The following KCTD5 variants were observed in gnomAD, a reference collection of about 807,000 sequenced individuals.
KCTD5 encodes the protein potassium channel tetramerization domain containing 5, also known as BTB/POZ domain-containing protein KCTD5.
KCTD5 carries 12 observed loss-of-function variants against 27.9 expected under a neutral mutation model. The observed-to-expected ratio is 0.43, with a 90% CI of 0.28 to 0.70. KCTD5 has a LOEUF of 0.70. Among genes scored for constraint, KCTD5 ranks in the 30% least tolerant of loss-of-function variants. The pLI is 0.19. For missense variants in KCTD5, 226 were observed against 274.8 expected (o/e 0.82, Z 1.26); for synonymous variants, 147 against 121.4 (o/e 1.21, Z -1.39).
At chr16:2,687,108 C>T (rs1315012573) in intron 1 of KCTD5, among the ~76,000 whole-genome samples, 2 of 152,218 alleles carry the variant, frequency 1.3e-5, no homozygotes, top group Non-Finnish European at 2.9e-5. Flanking sequence ...CCCACTGCAG[C>T]AGGTGCTGGT....
chr16:2,701,585 C>G (rs1230058934), intron 4 of KCTD5, among the ~76,000 whole-genome samples: 3 of 152,240 alleles, frequency 2.0e-5, no homozygotes, highest in Non-Finnish European at 4.4e-5. Flanking sequence ...GCCAGCTATA[C>G]AGGAGCAGCA....
chr16:2,687,182 C>G (rs2067543365), intron 1 of KCTD5, among the ~76,000 whole-genome samples: 1 of 152,222 alleles, frequency 6.6e-6, no homozygotes, highest in Non-Finnish European at 1.5e-5. Flanking sequence ...AGACCTTAGG[C>G]CACGAGTCAG....
chr16:2,690,055 G>C (rs1466106431), intron 1 of KCTD5, among the ~76,000 whole-genome samples: 6 of 152,248 alleles, frequency 3.9e-5, no homozygotes, highest in African/African-American at 1.4e-4. Flanking sequence ...GTTGCCCCCG[G>C]TGCTTTGCTG....
intron 1 of KCTD5, 169 bp downstream of exon 1, chr16:2,682,969 C>T (rs771294066): frequency 2.4e-5 from 19 of 777,860 alleles, no homozygotes; most frequent in African/African-American, 9.3e-5. Context: ...CCCCGATCCC[C>T]TACCCTGGGA....
At chr16:2,703,920 G>C (rs1233428767) in intron 5 of KCTD5, among the ~76,000 whole-genome samples, 1 of 152,192 alleles carries the variant, frequency 6.6e-6, no homozygotes, top group East Asian at 1.9e-4. Context: ...TCACAAGGAG[G>C]CACTTCTCTT....
chr16:2,696,120 GAC>G lies in KCTD5; in HGVS notation c.361+81_361+82del, dbSNP rs2067585166. The G allele has an allele frequency of 1.9e-4, 72 of 379,310 alleles. 1 individual carries two copies. The highest frequency in any genetic ancestry group is 1.6e-3 in the South Asian group (72 of 44,076). 23.5% of individuals were successfully genotyped at this position (379,310 alleles called of 1,614,324 possible). ...CAAAGGTGCCAAGGGCTCCACTTAA[GAC>G]ACAGATGCCTGCAGCCTGGGGCCCC... On this transcript the variant is annotated intron_variant, in intron 2 of 5. Coordinates refer to ENST00000301738, the MANE Select transcript of KCTD5 (RefSeq NM_018992.4).
At chr16:2,701,054 AGCTCGGGGTCCGCGAACAGG>A (rs1450231880) in intron 4 of KCTD5, among the ~76,000 whole-genome samples, 1 of 152,184 alleles carries the variant, frequency 6.6e-6, no homozygotes, top group Non-Finnish European at 1.5e-5. Context: ...CCGTGTCAGC[AGCTCGGGGTCCGCGAACAGG>A]GCTGTCCCCA....
At chr16:2,682,952 C>A in intron 1 of KCTD5, 152 bp downstream of exon 1, 2 of 978,906 alleles carry the variant, frequency 2.0e-6, no homozygotes, top group South Asian at 2.0e-5. Context: ...AGCTCCTCCC[C>A]AGCTTGCCCC....
chr16:2,691,707 G>A (rs1038856155), intron 1 of KCTD5, among the ~76,000 whole-genome samples: 11 of 152,266 alleles, frequency 7.2e-5, no homozygotes, highest in Middle Eastern at 3.4e-3. Flanking sequence ...CTTGGTAGAC[G>A]CAGCTGGGGT....
chr16:2,690,628 C>T (rs1269337835), intron 1 of KCTD5, among the ~76,000 whole-genome samples: 3 of 152,236 alleles, frequency 2.0e-5, no homozygotes, highest in East Asian at 1.9e-4. Flanking sequence ...AGCACCCCCA[C>T]GCCCAGCCCG....
intron 4 of KCTD5, among the ~76,000 whole-genome samples, chr16:2,702,031 C>G (rs1211351663): frequency 2.0e-5 from 3 of 152,338 alleles, no homozygotes; most frequent in Admixed American, 6.5e-5. Context: ...CCGCTGCCCC[C>G]CTCCCTCCGC....
chr16:2,706,811 A>G (rs2067638564), intron 5 of KCTD5, among the ~76,000 whole-genome samples: 1 of 147,612 alleles, frequency 6.8e-6, no homozygotes. Context: ...GGGAGGGGCC[A>G]GCACATGAGG....
chr16:2,705,991 T>C (rs1289997376), intron 5 of KCTD5, among the ~76,000 whole-genome samples: 2 of 152,132 alleles, frequency 1.3e-5, no homozygotes, highest in Non-Finnish European at 2.9e-5. Flanking sequence ...TGGTGGGGGC[T>C]TGGGGGCTGC....
rs2067643240 is a variant in KCTD5, at chr16:2,707,675, A to G, written c.*348A>G. 1 of 546,072 alleles carries G rather than the reference A, an allele frequency of 1.8e-6. No homozygotes were observed. Among genetic ancestry groups the G allele is most frequent in the Admixed American group, 3.3e-5 (1 of 30,334 alleles). 33.8% of individuals were successfully genotyped at this position (546,072 alleles called of 1,614,324 possible). Reference sequence around the variant, plus strand: ...AGGAAGCGTTCTTGGTGCTACACACAGTCTGGAAAAGCAGCCTGGGCTTCA... The same window carrying G: ...AGGAAGCGTTCTTGGTGCTACACACGGTCTGGAAAAGCAGCCTGGGCTTCA... On this transcript the variant is annotated 3_prime_UTR_variant, in exon 6 of 6. Transcript: ENST00000301738.
intron 1 of KCTD5, among the ~76,000 whole-genome samples, chr16:2,685,436 GAAAAA>G (rs1328559370): frequency 6.6e-6 from 1 of 151,250 alleles, no homozygotes; most frequent in Non-Finnish European, 1.5e-5. Flanking sequence ...CAAAAAAAAA[GAAAAA>G]AGAAAAGGAG....
chr16:2,684,848 G>A (rs1217307994), intron 1 of KCTD5: 3 of 152,168 alleles, frequency 2.0e-5, no homozygotes, highest in Non-Finnish European at 2.9e-5. Context: ...TGAGGCAGAA[G>A]AATCGCTTGA....
intron 4 of KCTD5, among the ~76,000 whole-genome samples, chr16:2,700,121 G>T (rs2067604467): frequency 6.6e-6 from 1 of 152,196 alleles, no homozygotes; most frequent in South Asian, 2.1e-4. Context: ...GGTGTCTCAG[G>T]CTCTGCCCCG....
intron 1 of KCTD5, among the ~76,000 whole-genome samples, chr16:2,688,712 T>C (rs1410649036): frequency 9.7e-6 from 1 of 103,198 alleles, no homozygotes; most frequent in East Asian, 2.6e-4. Context: ...CCAGTCCCCC[T>C]GCTGCCACCC....
rs1469188686 is a variant in KCTD5 at position 2,682,647 on chromosome 16, C to T, written c.99C>T (p.Gly33=). 6.3e-7 allele frequency: 1 copy of T among 1,589,876 alleles called. No homozygotes were observed. The highest frequency in any genetic ancestry group is 1.1e-5 in the South Asian group (1 of 88,286). Residue 33 remains glycine, a synonymous_variant, in exon 1 of 6, where the codon GGC becomes GGT. Coordinates refer to ENST00000301738, the MANE Select transcript of KCTD5 (RefSeq NM_018992.4). ...GCCGCCGCTGCAGCGCTGGGCTCGG[C>T]GCCCTGGCCCAGCGCCCTGGCAGCG... ...GLCRRCSAGL[G]ALAQRPGSVS...
Sources: gnomAD v4.1 joint callset for allele counts (sites outside exome capture counted in the v4.1 genomes callset) on GRCh38, gnomAD v4.1.1 for gene constraint, MANE v1.5 for transcripts, NCBI Gene and HGNC (gene_info 2026-07-23, HGNC 2026-07-21) for gene names.